TLR8: variants seen among roughly 807,000 people sequenced by gnomAD.
The protein encoded by TLR8 is toll like receptor 8.
Under a neutral mutation model 18.5 loss-of-function variants are expected in TLR8, and 5 were observed. The ratio of observed to expected loss-of-function variants is 0.27; its 90% CI spans 0.14 to 0.57. TLR8 has a LOEUF of 0.57. Among genes scored for constraint, TLR8 ranks in the 20% least tolerant of loss-of-function variants. TLR8 has a pLI of 0.92. For missense variants in TLR8, 543 were observed against 769.8 expected, an observed-to-expected ratio of 0.71 and a Z score of 3.49; for synonymous variants, 299 against 300.1, an observed-to-expected ratio of 1.00 and a Z score of 0.04.
intron 1 of TLR8, chrX:12,910,324 T>G: frequency 6.0e-6 from 7 of 1,162,138 alleles, no homozygotes; most frequent in Non-Finnish European, 8.0e-6. Flanking sequence ...GACACTTCAG[T>G]GTTAGGGAAC....
intron 1 of TLR8, among the ~76,000 whole-genome samples, chrX:12,916,939 C>T (rs5744068): frequency 0.15 from 16,952 of 111,159 alleles, 956 homozygotes; most frequent in Admixed American, 0.23. Flanking sequence ...TCAGCTTCCA[C>T]AGGCTGCTTG....
rs2043075967 is a variant in TLR8 at position 12,919,161 on chromosome X, C to A, written c.121C>A (p.Gln41Lys). 2 of 1,210,264 alleles carry A rather than the reference C, an allele frequency of 1.7e-6. No individual in the cohort carries two copies. Among genetic ancestry groups the A allele is most frequent in the African/African-American group, 3.5e-5 (2 of 57,201 alleles). The change falls in exon 2 of 2, where the codon CAA (glutamine) becomes AAA (lysine). Residue 41 changes from glutamine (Q) to lysine (K), a missense_variant. Gln to Lys is a moderately conservative substitution (Grantham distance 53). This residue lies in a region of TLR8 where 117 missense variants were observed against 111.0 expected (regional missense o/e 1.05). Transcript: ENST00000218032. ...AAGCTATCCTTGTGATGAGAAAAAG[C>A]AAAATGACTCAGTTATTGCAGAGTG... ...SRSYPCDEKK[Q>K]NDSVIAECSN...
rs756013561 is a variant in TLR8, at chrX:12,919,948, A to G, written c.908A>G (p.Asn303Ser). The change falls in exon 2 of 2, where the codon AAT becomes AGT. Residue 303 changes from asparagine (N) to serine (S), a missense_variant. Coordinates refer to ENST00000218032, the MANE Select transcript of TLR8 (RefSeq NM_138636.5). ...TCTAGCACTTCCCTCAGGAAGATTA[A>G]TGCTGCCTGGTTTAAAAATATGCCT... The part of the protein sequence containing the change: ...NLSSTSLRKI[N>S]AAWFKNMPHL... 7 of 1,209,914 alleles carry G rather than the reference A, an allele frequency of 5.8e-6. No homozygotes were observed. The East Asian group carries it at 1.5e-4, about 26-fold the overall frequency.
In TLR8 at chrX:12,921,293, C is replaced by A. The variant is rs3747414; in HGVS notation, c.2253C>A (p.Ile751=). Residue 751 remains isoleucine (I), a synonymous_variant, in exon 2 of 2, where the codon ATC becomes ATA. Coordinates refer to ENST00000218032, the MANE Select transcript of TLR8 (RefSeq NM_138636.5). ...TAAGTTCCAATCTGCTAAAAACAAT[C>A]AACAAATCCGCACTTGAAACTAAGA... The part of the protein sequence containing the change: ...LDLSSNLLKT[I]NKSALETKTT... 0.38 allele frequency: 463,524 copies of A among 1,208,493 alleles called. 63,258 individuals are homozygous for A. The highest frequency in any genetic ancestry group is 0.81 in the East Asian group (27,188 of 33,694).
At chrX:12,916,979 C>G (rs2043059981) in intron 1 of TLR8, among the ~76,000 whole-genome samples, 1 of 111,478 alleles carries the variant, frequency 9.0e-6, no homozygotes, top group African/African-American at 3.3e-5. Context: ...GCTACCTCCT[C>G]AAGCCAGAAA....
chrX:12,912,796 TC>T (rs960284008), intron 1 of TLR8, among the ~76,000 whole-genome samples: 1 of 112,629 alleles, frequency 8.9e-6, no homozygotes, highest in African/African-American at 3.2e-5. Context: ...CTTTAGACTC[TC>T]CCAGAGGCTA....
At chrX:12,906,870 G>A (rs1445509871) in intron 1 of TLR8, among the ~76,000 whole-genome samples, 161 bp downstream of exon 1, 3 of 112,411 alleles carry the variant, frequency 2.7e-5, no homozygotes, top group South Asian at 3.6e-4. Context: ...CAGGTAAAGC[G>A]GCTTGCTATG....
intron 1 of TLR8, among the ~76,000 whole-genome samples, chrX:12,912,779 T>C (rs756494364): frequency 8.9e-6 from 1 of 112,927 alleles, no homozygotes; most frequent in South Asian, 3.6e-4. Context: ...CAATTTGCTT[T>C]AAGCTGCTTT....
Position 12,921,140 on chromosome X carries a change from A to G in TLR8, c.2100A>G (p.Leu700=), listed in dbSNP as rs1395010980. ...LELLDLRGNK[L]LFLTDSLSDF... is the part of the protein sequence containing the mutation. ...TGCTTGACTTACGTGGAAACAAACT[A>G]CTCTTTTTAACTGATAGCCTATCTG... The change falls in exon 2 of 2, where the codon CTA becomes CTG. Residue 700 remains leucine, a synonymous_variant. Coordinates refer to ENST00000218032, the MANE Select transcript of TLR8 (RefSeq NM_138636.5). The G allele has an allele frequency of 8.3e-7, 1 of 1,210,767 alleles. No individual in the cohort carries two copies. Among genetic ancestry groups the G allele is most frequent in the Non-Finnish European group, 1.1e-6 (1 of 895,104 alleles).
At chrX:12,917,888 A>C (rs868608511) in intron 1 of TLR8, among the ~76,000 whole-genome samples, 9 of 112,383 alleles carry the variant, frequency 8.0e-5, no homozygotes, top group African/African-American at 2.6e-4. Context: ...CAGTTCAGGC[A>C]CGAGGATTTC....
rs945853729 is a variant in TLR8, at chrX:12,922,481, C to T, written c.*315C>T. 11 of 201,544 alleles carry T rather than the reference C, an allele frequency of 5.5e-5. No homozygotes were observed. The highest frequency in any genetic ancestry group is 2.9e-4 in the African/African-American group (10 of 34,059). 16.6% of individuals were successfully genotyped at this position (201,544 alleles called of 1,213,427 possible). ...AAAGGCTATACTCATGTAAGCCATGCGAGCCTCTCCCACAAGGCAGCTTGC... is the reference window on the plus strand; with the variant it reads ...AAAGGCTATACTCATGTAAGCCATGTGAGCCTCTCCCACAAGGCAGCTTGC... On this transcript the variant is annotated 3_prime_UTR_variant, in exon 2 of 2. Coordinates refer to ENST00000218032, the MANE Select transcript of TLR8 (RefSeq NM_138636.5).
At chrX:12,910,214 G>A in intron 1 of TLR8, 1 of 880,916 alleles carries the variant, frequency 1.1e-6, no homozygotes, top group Non-Finnish European at 1.5e-6. Flanking sequence ...TTTCCAGTCT[G>A]GCAAAAATTC....
Position 12,921,382 on chromosome X carries a change from G to A in TLR8, c.2342G>A (p.Gly781Glu). ...CCCTTTGAATGCACCTGTGACATTG[G>A]AGATTTCCGAAGATGGATGGATGAA... ...GNPFECTCDI[G>E]DFRRWMDEHL... Residue 781 changes from glycine (G) to glutamate (E), a missense_variant, in exon 2 of 2, where the codon GGA (glycine) becomes GAA (glutamate). By Grantham distance (98) the Gly-to-Glu change is moderately conservative (BLOSUM62 -2). Transcript: ENST00000218032. 8.3e-7 allele frequency: 1 copy of A among 1,211,888 alleles called. No homozygotes were observed. The highest frequency in any genetic ancestry group is 1.1e-6 in the Non-Finnish European group (1 of 895,459).
chrX:12,918,350 A>G (rs1009756768), intron 1 of TLR8, among the ~76,000 whole-genome samples: 2 of 111,535 alleles, frequency 1.8e-5, no homozygotes, highest in Non-Finnish European at 3.8e-5. Flanking sequence ...AGTTTCATCA[A>G]GTGTCATGTC....
Position 12,919,813 on chromosome X carries a change from C to T in TLR8, c.773C>T (p.Pro258Leu), listed in dbSNP as rs2043081736. ...LTLLDLSGNC[P>L]RCFNAPFPCV... is the part of the protein sequence containing the mutation. ...TTACTAGATTTAAGCGGGAACTGTCCGAGGTGCTTCAATGCCCCATTTCCA... is the reference window on the plus strand; with the variant it reads ...TTACTAGATTTAAGCGGGAACTGTCTGAGGTGCTTCAATGCCCCATTTCCA... The change falls in exon 2 of 2, where the codon CCG becomes CTG. Residue 258 changes from proline to leucine, a missense_variant. Around this residue, in one of 4 missense-constraint regions of TLR8, gnomAD observed 185 missense variants for 298.9 expected, o/e 0.62. Coordinates refer to ENST00000218032, the MANE Select transcript of TLR8 (RefSeq NM_138636.5). 1.7e-6 allele frequency: 2 copies of T among 1,210,214 alleles called. No homozygotes were observed. The highest frequency in any genetic ancestry group is 2.2e-6 in the Non-Finnish European group (2 of 894,181).
Position 12,920,916 on chromosome X carries a change from G to A in TLR8, c.1876G>A (p.Asp626Asn). The A allele has an allele frequency of 8.3e-7, 1 of 1,210,810 alleles. No homozygotes were observed. The highest frequency in any genetic ancestry group is 1.1e-6 in the Non-Finnish European group (1 of 894,880). Residue 626 changes from aspartate (D) to asparagine (N), a missense_variant, in exon 2 of 2, where the codon GAT becomes AAT. Around this residue, in one of 4 missense-constraint regions of TLR8, gnomAD observed 227 missense variants for 312.9 expected, o/e 0.73. Coordinates refer to ENST00000218032, the MANE Select transcript of TLR8 (RefSeq NM_138636.5). ...CAATCGCCTTGACATTTTGTGGAAT[G>A]ATGATGACAACAGGTATATCTCCAT... ...SGNRLDILWN[D>N]DDNRYISIFK...
At chrX:12,912,131 T>C (rs1451568599) in intron 1 of TLR8, among the ~76,000 whole-genome samples, 2 of 111,756 alleles carry the variant, frequency 1.8e-5, no homozygotes, top group Non-Finnish European at 3.8e-5. Context: ...TCTATTTTAT[T>C]GGCAGAATTG....
chrX:12,917,084 T>C (rs1015321207), intron 1 of TLR8, among the ~76,000 whole-genome samples: 7 of 111,981 alleles, frequency 6.3e-5, no homozygotes, highest in African/African-American at 2.3e-4. Context: ...GCTCGTATGA[T>C]TAGACTAAGC....
intron 1 of TLR8, among the ~76,000 whole-genome samples, chrX:12,915,224 G>A (rs1220373555): frequency 9.0e-6 from 1 of 111,085 alleles, no homozygotes; most frequent in Admixed American, 9.5e-5. Flanking sequence ...AGTGCAGTGC[G>A]CAATCATGGC....
Sources: allele counts gnomAD v4.1 joint callset (sites outside exome capture counted in the v4.1 genomes callset), GRCh38; gene constraint gnomAD v4.1.1; regional missense constraint gnomAD v4.1.1; transcripts MANE v1.5; gene names NCBI Gene and HGNC (gene_info 2026-07-23, HGNC 2026-07-21).